Variants in ARFGEF3 observed in about 807,000 individuals in gnomAD.
ARFGEF3 encodes brefeldin A-inhibited guanine nucleotide-exchange protein 3.
Under a neutral mutation model 221.7 loss-of-function variants are expected in ARFGEF3, and 96 were observed. That is an observed-to-expected ratio of 0.43 (90% CI 0.37 to 0.51). The LOEUF is 0.51. ARFGEF3 is among the 20% of genes least tolerant of loss of function. The probability of loss-of-function intolerance (pLI) is 0.00; values close to 1 mark genes in which losing one functional copy is unlikely to be tolerated. For missense variants in ARFGEF3, 2,410 were observed against 2,789.9 expected, an observed-to-expected ratio of 0.86 and a Z score of 3.07; for synonymous variants, 1,145 against 1,126.8, an observed-to-expected ratio of 1.02 and a Z score of -0.32.
chr6:138,271,283 G>A (rs367614364), intron 12 of ARFGEF3, among the ~76,000 whole-genome samples: 2 of 152,138 alleles, frequency 1.3e-5, no homozygotes, highest in Non-Finnish European at 2.9e-5. Flanking sequence ...AGTGGGCAAC[G>A]TAGTAAGACC....
At chr6:138,236,665 C>A in intron 5 of ARFGEF3, among the ~76,000 whole-genome samples, 1 of 152,132 alleles carries the variant, frequency 6.6e-6, no homozygotes, top group East Asian at 1.9e-4. Flanking sequence ...TGGGGTTTTG[C>A]CCCGTTGCGC....
At chr6:138,280,927 A>G (rs1779186612) in intron 14 of ARFGEF3, among the ~76,000 whole-genome samples, 1 of 152,168 alleles carries the variant, frequency 6.6e-6, no homozygotes, top group South Asian at 2.1e-4. Flanking sequence ...ACCAGAATTA[A>G]TAATAATGCC....
At chr6:138,166,674 T>G (rs994564921) in intron 1 of ARFGEF3, among the ~76,000 whole-genome samples, 1 of 152,170 alleles carries the variant, frequency 6.6e-6, no homozygotes, top group African/African-American at 2.4e-5. Context: ...GCTTGCAAGC[T>G]AGGCTGTGGT....
Position 138,263,335 on chromosome 6 carries a change from GCAGAAAAGGACT to G in ARFGEF3, c.1854_1865del (p.Glu619_Ser622del), listed in dbSNP as rs773656544. 2.5e-6 allele frequency: 4 copies of G among 1,614,010 alleles called. No individual in the cohort carries two copies. In the Admixed American group the frequency reaches 5.0e-5, roughly 20 times the overall value. ...TTCCTGTGATCAGTACTCTATGGCAGCAGAAAAGGACTCGGGCAGGTCCGACGTGTCAGACAT... is the reference window on the plus strand; with the variant it reads ...TTCCTGTGATCAGTACTCTATGGCAGCGGGCAGGTCCGACGTGTCAGACAT... On this transcript the variant is annotated inframe_deletion, in exon 12 of 34. Transcript: ENST00000251691.
At chr6:138,164,228 C>CCT (rs59010098) in intron 1 of ARFGEF3, among the ~76,000 whole-genome samples, 1 of 151,940 alleles carries the variant, frequency 6.6e-6, no homozygotes, top group East Asian at 1.9e-4. Context: ...TTCAACCCCC[C>CCT]AATTTATTTC....
chr6:138,189,108 A>G (rs997301028), intron 2 of ARFGEF3, among the ~76,000 whole-genome samples: 2 of 152,222 alleles, frequency 1.3e-5, no homozygotes, highest in Admixed American at 6.5e-5. Flanking sequence ...CCTATGGAGA[A>G]GGTACTGCAA....
At chr6:138,174,812 T>C (rs1232214687) in intron 2 of ARFGEF3, among the ~76,000 whole-genome samples, 1 of 152,230 alleles carries the variant, frequency 6.6e-6, no homozygotes, top group Non-Finnish European at 1.5e-5. Flanking sequence ...TAATTTCATG[T>C]TAAATATAGT....
In ARFGEF3 at chr6:138,220,223, G is replaced by A. The variant is rs7774866; in HGVS notation, c.352-9561G>A. 6.3e-3 allele frequency among the ~76,000 whole-genome samples: 953 copies of A among 152,088 alleles called. 10 individuals are homozygous for A. The highest frequency in any genetic ancestry group is 0.022 in the African/African-American group (895 of 41,484). Reference sequence around the variant, plus strand: ...TTGCCATGTTTCCCAGGCTGGTCTCGAACTCCTGTGTTCAAACAATCTATC... The same window carrying A: ...TTGCCATGTTTCCCAGGCTGGTCTCAAACTCCTGTGTTCAAACAATCTATC... On this transcript the variant is annotated intron_variant, in intron 4 of 33. Transcript: ENST00000251691.
chr6:138,286,651 C>T, intron 15 of ARFGEF3, 50 bp from the exon 16 acceptor site: 1 of 1,481,822 alleles, frequency 6.7e-7, no homozygotes, highest in Non-Finnish European at 9.4e-7. Flanking sequence ...TCATTCATTG[C>T]CAGGTTGTTT....
At chr6:138,320,531 C>T (rs1235543267) in intron 28 of ARFGEF3, among the ~76,000 whole-genome samples, 2 of 152,132 alleles carry the variant, frequency 1.3e-5, no homozygotes, top group Non-Finnish European at 1.5e-5. Flanking sequence ...TTGCTGCTAC[C>T]CACAGAGCTT....
At chr6:138,313,703 T>C in intron 25 of ARFGEF3, 92 bp from the exon 26 acceptor site, 1 of 1,004,820 alleles carries the variant, frequency 1.0e-6, no homozygotes, top group Non-Finnish European at 1.5e-6. Context: ...CATCTCCTTT[T>C]AGTACTAGTG....
intron 12 of ARFGEF3, among the ~76,000 whole-genome samples, chr6:138,274,332 A>C (rs1238421859): frequency 2.0e-5 from 3 of 152,188 alleles, no homozygotes; most frequent in Non-Finnish European, 4.4e-5. Flanking sequence ...TTTACCATGG[A>C]AGGAGACTGG....
At chr6:138,328,334 C>A (rs1583069807) in intron 32 of ARFGEF3, among the ~76,000 whole-genome samples, 192 bp downstream of exon 32, 1 of 152,148 alleles carries the variant, frequency 6.6e-6, no homozygotes, top group Non-Finnish European at 1.5e-5. Context: ...ATTAGGTTAT[C>A]CGGGCTGCCA....
intron 6 of ARFGEF3, among the ~76,000 whole-genome samples, chr6:138,240,492 T>A (rs9494982): frequency 8.5e-5 from 13 of 152,128 alleles, no homozygotes; most frequent in Non-Finnish European, 1.5e-4. Flanking sequence ...TCCATAAGAA[T>A]GGCAAAGGTA....
Position 138,308,845 on chromosome 6 carries a change from G to C in ARFGEF3, c.4080G>C (p.Lys1360Asn). The C allele has an allele frequency of 6.2e-7, 1 of 1,614,008 alleles. No homozygotes were observed. Among genetic ancestry groups the C allele is most frequent in the South Asian group, 1.1e-5 (1 of 91,082 alleles). ...AATSYIMCLM[K>N]FVKGLGEVDC... Reference sequence around the variant, plus strand: ...CTAGCTACATCATGTGCCTTATGAAGTTTGTCAAAGGACTGGGTAAGCAGA... The same window carrying C: ...CTAGCTACATCATGTGCCTTATGAACTTTGTCAAAGGACTGGGTAAGCAGA... The change falls in exon 24 of 34, where the codon AAG (lysine) becomes AAC (asparagine). Residue 1360 changes from lysine (K) to asparagine (N), a missense_variant. Lys to Asn is a moderately conservative substitution (Grantham distance 94). This residue lies in a region of ARFGEF3 where 723 missense variants were observed against 991.9 expected (regional missense o/e 0.73). Coordinates refer to ENST00000251691, the MANE Select transcript of ARFGEF3 (RefSeq NM_020340.5).
chr6:138,323,665 T>C lies in ARFGEF3; in HGVS notation c.4767-6T>C. ...AAAAAACTCCTTTACTTGTTTCTTT[T>C]GGCAGATACGTCCTTGTGACAGCGG... On this transcript the variant is annotated splice_polypyrimidine_tract_variant and splice_region_variant and intron_variant, in intron 29 of 33. Coordinates refer to ENST00000251691, the MANE Select transcript of ARFGEF3 (RefSeq NM_020340.5). 2 of 1,612,086 alleles carry C rather than the reference T, an allele frequency of 1.2e-6. No individual in the cohort carries two copies. The highest frequency in any genetic ancestry group is 3.3e-5 in the Admixed American group (2 of 59,726).
At chr6:138,328,718 A>T (rs1780169302) in intron 32 of ARFGEF3, among the ~76,000 whole-genome samples, 1 of 151,580 alleles carries the variant, frequency 6.6e-6, no homozygotes, top group Non-Finnish European at 1.5e-5. Context: ...TTAAAAAAAA[A>T]TAGGCCAGGC....
chr6:138,330,991 T>C (rs1237637558), intron 32 of ARFGEF3, among the ~76,000 whole-genome samples: 1 of 152,262 alleles, frequency 6.6e-6, no homozygotes, highest in Non-Finnish European at 1.5e-5. Context: ...AGCATTGATT[T>C]ACTTCAGAAT....
At position 138,236,954 on chromosome 6, in the gene ARFGEF3, G is replaced by T. The variant is rs142391034; in HGVS notation, c.421-1555G>T. On this transcript the variant is annotated intron_variant, in intron 5 of 33. Transcript: ENST00000251691. ...AATTAATCTAAGCCAACTTTCAAATGTAGGTTTGGGAGTTGTTGGGTTTTG... is the reference window on the plus strand; with the variant it reads ...AATTAATCTAAGCCAACTTTCAAATTTAGGTTTGGGAGTTGTTGGGTTTTG... Among the ~76,000 whole-genome samples, 17 of 148,372 alleles carry T rather than the reference G, an allele frequency of 1.1e-4. No individual in the cohort carries two copies. In the East Asian group the frequency reaches 3.3e-3, roughly 29 times the overall value.
Sources: gnomAD v4.1 joint callset for allele counts (sites outside exome capture counted in the v4.1 genomes callset) on GRCh38, gnomAD v4.1.1 for gene constraint, gnomAD v4.1.1 regional missense constraint, MANE v1.5 for transcripts, NCBI Gene and HGNC (gene_info 2026-07-23, HGNC 2026-07-21) for gene names.